PIWIL3: variants seen among roughly 807,000 people sequenced by gnomAD.
PIWIL3 encodes the protein piwi-like protein 3.
PIWIL3 carries 101 observed loss-of-function variants against 109.7 expected under a neutral mutation model. The observed-to-expected ratio is 0.92, with a 90% CI of 0.78 to 1.09. PIWIL3 has a LOEUF of 1.09. PIWIL3 is among the 50% of genes least tolerant of loss of function. PIWIL3 has a pLI of 0.00. For synonymous variants in PIWIL3, 373 were observed against 376.4 expected (o/e 0.99, Z 0.10); for missense variants, 1,031 against 1,072.6 (o/e 0.96, Z 0.54).
At position 24,773,428 on chromosome 22, in the gene PIWIL3, GAGA is replaced by G. The variant is rs534299660; in HGVS notation, c.-23+891_-23+893del. Among the ~76,000 whole-genome samples the G allele has an allele frequency of 3.0e-3, 460 of 152,290 alleles. 1 individual carries two copies. Among genetic ancestry groups the G allele is most frequent in the Middle Eastern group, 6.8e-3 (2 of 294 alleles). The stretch of plus-strand genomic sequence containing the variant: ...CTCCTGAGCTGTGAGGGTTAAATGG[GAGA>G]AGGTGTATTGAGCTTGAAGCACTGG... On this transcript the variant is annotated intron_variant, in intron 1 of 20. Coordinates refer to ENST00000616349, the MANE Select transcript of PIWIL3 (RefSeq NM_001255975.1).
chr22:24,734,045 A>G, intron 14 of PIWIL3, 39 bp downstream of exon 14: 1 of 1,571,196 alleles, frequency 6.4e-7, no homozygotes, highest in Non-Finnish European at 8.6e-7. Context: ...GTTTGGAACA[A>G]TAACTAAAAG....
At chr22:24,749,073 TAGCC>T (rs774250802) in intron 11 of PIWIL3, 52 bp from the exon 12 acceptor site, 1 of 1,414,476 alleles carries the variant, frequency 7.1e-7, no homozygotes, top group African/African-American at 1.4e-5. Context: ...TAAAAGCAGC[TAGCC>T]ATTTGTGCAA....
At chr22:24,728,744 C>T (rs738825) in intron 14 of PIWIL3, among the ~76,000 whole-genome samples, 98,189 of 151,882 alleles carry the variant, frequency 0.65, 32,354 homozygotes, top group East Asian at 0.81. Flanking sequence ...TTATAAATTA[C>T]ATCAATTGCT....
At chr22:24,762,560 G>A in intron 1 of PIWIL3, 39 bp from the exon 2 acceptor site, 1 of 1,505,358 alleles carries the variant, frequency 6.6e-7, no homozygotes, top group Non-Finnish European at 9.0e-7. Flanking sequence ...CTGTGGAGTT[G>A]CCTGGTGTCT....
In PIWIL3 at chr22:24,754,033, C is replaced by T. The variant is rs1351414473; in HGVS notation, c.958G>A (p.Gly320Arg). The T allele has an allele frequency of 8.7e-6, 14 of 1,608,082 alleles. No individual in the cohort carries two copies. The highest frequency in any genetic ancestry group is 1.2e-5 in the Non-Finnish European group (14 of 1,174,594). ...ACTTACTTTGTCAGAACAATTGATC[C>T]AATTAATTTATTAGTTACTTCCTCT... ...IREEVTNKLI[G>R]SIVLTKYNNK... The change falls in exon 8 of 21, where the codon GGA becomes AGA. Residue 320 changes from glycine to arginine, a missense_variant. Gly to Arg is a moderately radical substitution (Grantham distance 125). Transcript: ENST00000616349.
At position 24,748,265 on chromosome 22, in the gene PIWIL3, TAC is replaced by T. The variant is rs1271874685; in HGVS notation, c.1449+640_1449+641del. On this transcript the variant is annotated intron_variant, in intron 12 of 20. Coordinates refer to ENST00000616349, the MANE Select transcript of PIWIL3 (RefSeq NM_001255975.1). Reference sequence around the variant, plus strand: ...ACTCATGGAGATAGAGTAGGATGGTTACAGAGTCTGGGAAGGGTAGTGGGAGG... The same window carrying T: ...ACTCATGGAGATAGAGTAGGATGGTTAGAGTCTGGGAAGGGTAGTGGGAGG... Among the ~76,000 whole-genome samples the T allele has an allele frequency of 7.9e-5, 12 of 151,984 alleles. No individual in the cohort carries two copies. The South Asian group carries it at 2.3e-3, about 29-fold the overall frequency.
chr22:24,750,453 T>C (rs960528685), intron 9 of PIWIL3, among the ~76,000 whole-genome samples: 5 of 151,954 alleles, frequency 3.3e-5, no homozygotes, highest in African/African-American at 1.2e-4. Flanking sequence ...ATAAGTAATA[T>C]TTTCTTATCT....
At chr22:24,771,346 C>T (rs543134892) in intron 1 of PIWIL3, among the ~76,000 whole-genome samples, 17 of 151,674 alleles carry the variant, frequency 1.1e-4, no homozygotes, top group African/African-American at 3.1e-4. Context: ...GGCATGGTGG[C>T]GGGCGCCTGT....
At chr22:24,773,539 C>T (rs1031059126) in intron 1 of PIWIL3, among the ~76,000 whole-genome samples, 13 of 152,160 alleles carry the variant, frequency 8.5e-5, no homozygotes, top group African/African-American at 2.2e-4. Flanking sequence ...GCAAAGAGCC[C>T]GCCTTTTCTG....
chr22:24,766,299 T>C lies in PIWIL3; in HGVS notation c.-22-3778A>G, dbSNP rs184186759. Among the ~76,000 whole-genome samples, 418 of 151,588 alleles carry C rather than the reference T, an allele frequency of 2.8e-3. 1 individual carries two copies. The highest frequency in any genetic ancestry group is 4.9e-3 in the Non-Finnish European group (331 of 67,904). Reference sequence around the variant, plus strand: ...ACCATGCCTAGCCTAGGTTTTTTGTTTTTTTGTTTTGTTTTGTTTTGTTTT... The same window carrying C: ...ACCATGCCTAGCCTAGGTTTTTTGTCTTTTTGTTTTGTTTTGTTTTGTTTT... On this transcript the variant is annotated intron_variant, in intron 1 of 20. Transcript: ENST00000616349.
At chr22:24,738,279 T>C (rs537905475) in intron 12 of PIWIL3, among the ~76,000 whole-genome samples, 2 of 152,356 alleles carry the variant, frequency 1.3e-5, no homozygotes, top group South Asian at 4.1e-4. Flanking sequence ...CTCCAGTCCC[T>C]GACTCCTGAC....
At position 24,728,053 on chromosome 22, in the gene PIWIL3, C is replaced by A. The variant is rs1484198894; in HGVS notation, c.1906G>T (p.Val636Leu). The stretch of plus-strand genomic sequence containing the variant: ...ATGCCAACGAACATTGTTCTTTGTA[C>A]CTTAAGTTTGTTTTTGAAAAGGTAA... ...GGALWKVETD[V>L]QRTMFVGIDC... The change falls in exon 16 of 21, where the codon GTA (valine) becomes TTA (leucine). Residue 636 changes from valine to leucine, a missense_variant and splice_region_variant. Transcript: ENST00000616349. 12 of 1,613,120 alleles carry A rather than the reference C, an allele frequency of 7.4e-6. No homozygotes were observed. The South Asian group carries it at 8.8e-5, about 12-fold the overall frequency.
rs771293323 is a variant in PIWIL3 at position 24,719,432 on chromosome 22, C to T, written c.*40G>A. On this transcript the variant is annotated 3_prime_UTR_variant, in exon 21 of 21. Coordinates refer to ENST00000616349, the MANE Select transcript of PIWIL3 (RefSeq NM_001255975.1). ...GCTTCAAAAGGAAGACAGGCTTACA[C>T]GTTGTGGTTTCATTAGCACATCAGG... 15 of 1,402,884 alleles carry T rather than the reference C, an allele frequency of 1.1e-5. No homozygotes were observed. The highest frequency in any genetic ancestry group is 6.9e-5 in the East Asian group (3 of 43,402). The allele number at this position is 1,402,884 out of a possible 1,614,324, so 86.9% of individuals were successfully genotyped here.
At chr22:24,761,954 T>G in intron 2 of PIWIL3, 1 of 987,202 alleles carries the variant, frequency 1.0e-6, no homozygotes, top group Non-Finnish European at 1.2e-6. Flanking sequence ...GCAGCGCCAC[T>G]ATGGATCCTG....
At chr22:24,757,310 TAA>T (rs1243726284) in intron 4 of PIWIL3, among the ~76,000 whole-genome samples, 1 of 151,802 alleles carries the variant, frequency 6.6e-6, no homozygotes, top group African/African-American at 2.4e-5. Context: ...TATTTAATTT[TAA>T]AAAAAGTCTC....
At chr22:24,737,662 C>A (rs950810448) in intron 12 of PIWIL3, among the ~76,000 whole-genome samples, 4 of 152,176 alleles carry the variant, frequency 2.6e-5, no homozygotes, top group African/African-American at 9.7e-5. Context: ...CAATCCCAGG[C>A]CTTGGCTCGT....
chr22:24,751,667 G>A (rs1924718822), intron 8 of PIWIL3, among the ~76,000 whole-genome samples, 169 bp from the exon 9 acceptor site: 1 of 152,210 alleles, frequency 6.6e-6, no homozygotes, highest in African/African-American at 2.4e-5. Flanking sequence ...CGATCACCTG[G>A]TTTTTACTAC....
intron 12 of PIWIL3, among the ~76,000 whole-genome samples, chr22:24,736,562 C>T (rs78304478): frequency 0.011 from 1,623 of 152,280 alleles, 30 homozygotes; most frequent in African/African-American, 0.038. Context: ...CACTGATCAT[C>T]CCTACAAGAG....
At chr22:24,765,406 C>T (rs9624588) in intron 1 of PIWIL3, among the ~76,000 whole-genome samples, 37,167 of 152,172 alleles carry the variant, frequency 0.24, 4,754 homozygotes, top group Admixed American at 0.35. Context: ...AAACTTGAAG[C>T]AGTCGTAGCT....
Sources: gnomAD v4.1 joint callset for allele counts (sites outside exome capture counted in the v4.1 genomes callset) on GRCh38, gnomAD v4.1.1 for gene constraint, MANE v1.5 for transcripts, NCBI Gene and HGNC (gene_info 2026-07-23, HGNC 2026-07-21) for gene names.